PACRG: variants seen among roughly 807,000 people sequenced by gnomAD.
The protein encoded by PACRG is parkin coregulated gene protein.
PACRG carries 29 observed loss-of-function variants against 29.7 expected under a neutral mutation model. The observed-to-expected ratio is 0.98, with a 90% confidence interval of 0.73 to 1.33. The LOEUF is 1.33. Among genes scored for constraint, PACRG ranks in the 40% most tolerant of loss-of-function variants. PACRG has a pLI of 0.00. For missense variants in PACRG, 279 were observed against 316.2 expected (o/e 0.88, Z 0.89); for synonymous variants, 116 against 118.7 (o/e 0.98, Z 0.15).
At position 162,773,493 on chromosome 6, in the gene PACRG, C is replaced by CTTTTTTTTTTTTTTTTTTT. The variant is rs1562582605; in HGVS notation, c.157-40654_157-40653insTTTTTTTTTTTTTTTTTTT. Among the ~76,000 whole-genome samples the CTTTTTTTTTTTTTTTTTTT allele has an allele frequency of 2.4e-5, 2 of 82,728 alleles. 1 individual carries two copies. The highest frequency in any genetic ancestry group is 9.5e-5 in the African/African-American group (2 of 21,006). 54.3% of individuals were successfully genotyped at this position (82,728 alleles called of 152,430 possible). ...GATATTTGGTATTTTTACAGCTTGT[C>CTTTTTTTTTTTTTTTTTTT]ATTTTTTTTTTTTTTTTTTTTTTTT... On this transcript the variant is annotated intron_variant, in intron 1 of 4. Coordinates refer to ENST00000366888, the MANE Select transcript of PACRG (RefSeq NM_001080379.2).
At chr6:162,967,322 T>C (rs77267309) in intron 2 of PACRG, among the ~76,000 whole-genome samples, 23,665 of 152,106 alleles carry the variant, frequency 0.16, 3,226 homozygotes, top group African/African-American at 0.36. Context: ...CTTACACTTT[T>C]ATTTCCTATA....
At chr6:163,152,235 A>T (rs1778121974) in intron 4 of PACRG, among the ~76,000 whole-genome samples, 1 of 152,220 alleles carries the variant, frequency 6.6e-6, no homozygotes, top group South Asian at 2.1e-4. Flanking sequence ...CTAATTAGTG[A>T]GAAAAAGGAA....
chr6:162,942,003 T>C (rs1364695172), intron 2 of PACRG, among the ~76,000 whole-genome samples: 1 of 152,210 alleles, frequency 6.6e-6, no homozygotes, highest in Non-Finnish European at 1.5e-5. Flanking sequence ...CAAGCTGCTA[T>C]TCTTTTCCAT....
intron 2 of PACRG, chr6:162,997,602 T>A (rs1804192759): frequency 3.3e-6 from 1 of 300,690 alleles, no homozygotes. Context: ...GACATAGGTC[T>A]TGAAAGCAAC....
Position 163,079,633 on chromosome 6 carries a change from C to T in PACRG, c.464-9626C>T, listed in dbSNP as rs142447363. On this transcript the variant is annotated intron_variant, in intron 3 of 4. Coordinates refer to ENST00000366888, the MANE Select transcript of PACRG (RefSeq NM_001080379.2). ...ACAACTACTATTTTCCTAGGAGCTCCCGAATCACCTGCTTAAATAATCAGT... is the reference window on the plus strand; with the variant it reads ...ACAACTACTATTTTCCTAGGAGCTCTCGAATCACCTGCTTAAATAATCAGT... Among the ~76,000 whole-genome samples the T allele has an allele frequency of 5.0e-3, 758 of 152,214 alleles. 11 individuals are homozygous for T. The highest frequency in any genetic ancestry group is 0.017 in the African/African-American group (707 of 41,506).
At chr6:163,239,776 C>CCA (rs369286078) in intron 4 of PACRG, among the ~76,000 whole-genome samples, 64 of 145,046 alleles carry the variant, frequency 4.4e-4, no homozygotes, top group South Asian at 6.7e-4. Context: ...ACCTCCACCC[C>CCA]CACACACACA....
intron 2 of PACRG, among the ~76,000 whole-genome samples, chr6:162,901,038 T>G (rs1050714048): frequency 1.3e-5 from 2 of 152,232 alleles, no homozygotes; most frequent in East Asian, 3.8e-4. Context: ...TCATTAATTT[T>G]TAATCAAATG....
rs554213650 is a variant in PACRG, at chr6:162,808,192, G to A, written c.157-5955G>A. On this transcript the variant is annotated intron_variant, in intron 1 of 4. Coordinates refer to ENST00000366888, the MANE Select transcript of PACRG (RefSeq NM_001080379.2). ...AACTTCTCACTCAGGAGCCTACGCT[G>A]AAGGTAACCGATTTACCATTCCTGA... is the stretch of plus-strand genomic sequence containing the variant. 5.0e-4 allele frequency among the ~76,000 whole-genome samples: 76 copies of A among 152,348 alleles called. 2 individuals are homozygous for A. In the South Asian group the frequency reaches 0.016, roughly 32 times the overall value.
intron 2 of PACRG, among the ~76,000 whole-genome samples, chr6:162,945,512 A>G (rs145834859): frequency 8.3e-4 from 126 of 152,240 alleles, no homozygotes; most frequent in African/African-American, 2.9e-3. Flanking sequence ...AGCAAGTATT[A>G]GTTTTAAAGG....
intron 2 of PACRG, among the ~76,000 whole-genome samples, chr6:162,938,663 T>C (rs1798404428): frequency 2.0e-5 from 3 of 152,238 alleles, no homozygotes; most frequent in Admixed American, 2.0e-4. Flanking sequence ...CCAACATCTA[T>C]TATTTTTTAA....
At chr6:162,730,068 T>C (rs1401310325) in intron 1 of PACRG, among the ~76,000 whole-genome samples, 1 of 152,018 alleles carries the variant, frequency 6.6e-6, no homozygotes, top group African/African-American at 2.4e-5. Flanking sequence ...TCTCTCTTTT[T>C]TTTTTTTTTA....
chr6:163,240,980 C>T lies in PACRG; in HGVS notation c.614-73847C>T, dbSNP rs1467240150. On this transcript the variant is annotated intron_variant, in intron 4 of 4. Coordinates refer to ENST00000366888, the MANE Select transcript of PACRG (RefSeq NM_001080379.2). ...TGCTTGAAATTTTACTCCCCAAAAT[C>T]GGACTTTTCTTACTAATTTCTAATT... Among the ~76,000 whole-genome samples the T allele has an allele frequency of 3.3e-5, 5 of 152,192 alleles. No individual in the cohort carries two copies. In the East Asian group the frequency reaches 7.7e-4, roughly 23 times the overall value.
intron 2 of PACRG, among the ~76,000 whole-genome samples, chr6:162,932,665 G>T (rs1394104041): frequency 6.6e-6 from 1 of 151,714 alleles, no homozygotes; most frequent in African/African-American, 2.4e-5. Context: ...CTAATTTGTA[G>T]TTGTATAGTT....
intron 4 of PACRG, among the ~76,000 whole-genome samples, chr6:163,268,405 A>AAAAAAGAAAAAAAAAG (rs1554237566): frequency 7.0e-6 from 1 of 143,694 alleles, no homozygotes; most frequent in South Asian, 2.2e-4. Flanking sequence ...GTCTCAAAGA[A>AAAAAAGAAAAAAAAAG]AAAAAAAAAG....
chr6:162,872,245 A>G lies in PACRG; in HGVS notation c.291+57964A>G, dbSNP rs1464511146. On this transcript the variant is annotated intron_variant, in intron 2 of 4. Coordinates refer to ENST00000366888, the MANE Select transcript of PACRG (RefSeq NM_001080379.2). ...CTATGAGAGCTCAGTGCTCAGTGTCATTGGAAGACAGTAGACAGCGGTATT... is the reference window on the plus strand; with the variant it reads ...CTATGAGAGCTCAGTGCTCAGTGTCGTTGGAAGACAGTAGACAGCGGTATT... Among the ~76,000 whole-genome samples the G allele has an allele frequency of 4.6e-5, 7 of 150,746 alleles. No homozygotes were observed. In the East Asian group the frequency reaches 1.4e-3, roughly 29 times the overall value.
intron 2 of PACRG, among the ~76,000 whole-genome samples, chr6:162,889,351 A>G (rs1167512852): frequency 6.6e-6 from 1 of 152,220 alleles, no homozygotes; most frequent in Non-Finnish European, 1.5e-5. Flanking sequence ...AGATAGGTTA[A>G]CAAATTGAAA....
chr6:163,188,089 GTTTATATGAGTATCTT>G (rs1214325940), intron 4 of PACRG, among the ~76,000 whole-genome samples: 1 of 152,160 alleles, frequency 6.6e-6, no homozygotes, highest in Non-Finnish European at 1.5e-5. Context: ...AGTTGTGTGG[GTTTATATGAGTATCTT>G]TTCCTACAGG....
chr6:162,834,478 A>G (rs914141015), intron 2 of PACRG, among the ~76,000 whole-genome samples: 1 of 152,102 alleles, frequency 6.6e-6, no homozygotes, highest in African/African-American at 2.4e-5. Flanking sequence ...TTTCCCAAAT[A>G]TGCTGTTTAA....
chr6:162,947,377 C>A (rs1202042064), intron 2 of PACRG, among the ~76,000 whole-genome samples: 3 of 20,954 alleles, frequency 1.4e-4, no homozygotes, highest in South Asian at 2.5e-3. Flanking sequence ...CATATATAAT[C>A]ATATATATAA....
Sources: allele counts gnomAD v4.1 joint callset (sites outside exome capture counted in the v4.1 genomes callset), GRCh38; gene constraint gnomAD v4.1.1; transcripts MANE v1.5; gene names NCBI Gene and HGNC (gene_info 2026-07-23, HGNC 2026-07-21).